Variants in RSU1 observed in about 807,000 individuals in gnomAD.
RSU1 encodes Ras suppressor protein 1, also known as rsu-1.
RSU1 carries 26 observed loss-of-function variants against 31.1 expected under a neutral mutation model. The observed-to-expected ratio is 0.84, with a 90% CI of 0.61 to 1.16. RSU1 has a LOEUF of 1.16. RSU1 is among the 50% of genes most tolerant of loss of function. The pLI is 0.00. For synonymous variants in RSU1, 164 were observed against 136.3 expected (o/e 1.20, Z -1.41); for missense variants, 320 against 339.1 (o/e 0.94, Z 0.44).
intron 8 of RSU1, among the ~76,000 whole-genome samples, chr10:16,609,907 T>G (rs1833865770): frequency 6.6e-6 from 1 of 152,224 alleles, no homozygotes; most frequent in African/African-American, 2.4e-5. Context: ...ATATTCCACA[T>G]ATCTCTGCAG....
intron 8 of RSU1, among the ~76,000 whole-genome samples, chr10:16,669,408 T>C (rs1471186612): frequency 2.6e-5 from 4 of 152,124 alleles, no homozygotes; most frequent in Non-Finnish European, 5.9e-5. Flanking sequence ...TTTTAACCAT[T>C]TTTCATTAAT....
chr10:16,787,572 C>A (rs189865447), intron 2 of RSU1, among the ~76,000 whole-genome samples: 2 of 152,178 alleles, frequency 1.3e-5, no homozygotes, highest in Admixed American at 1.3e-4. Context: ...ATGTCAAGGG[C>A]GGGGCCAGAT....
rs77412582 is a variant in RSU1, at chr10:16,736,096, T to A, written c.598+16443A>T. Reference sequence around the variant, plus strand: ...TGAGGCTACTCAAGGAGCTGGAATTTGTGGGGCAAGGAGGGCATAGCAGGA... The same window carrying A: ...TGAGGCTACTCAAGGAGCTGGAATTAGTGGGGCAAGGAGGGCATAGCAGGA... On this transcript the variant is annotated intron_variant, in intron 7 of 8. Coordinates refer to ENST00000345264, the MANE Select transcript of RSU1 (RefSeq NM_012425.4). Among the ~76,000 whole-genome samples the A allele has an allele frequency of 7.7e-3, 1,174 of 152,226 alleles. 35 individuals are homozygous for A. Among genetic ancestry groups the A allele is most frequent in the East Asian group, 0.063 (324 of 5,164 alleles).
In RSU1 at chr10:16,593,400, G is replaced by A; in HGVS notation, c.828C>T (p.Asn276=). The A allele has an allele frequency of 6.2e-7, 1 of 1,614,140 alleles. No homozygotes were observed. Among genetic ancestry groups the A allele is most frequent in the Non-Finnish European group, 8.5e-7 (1 of 1,179,988 alleles). ...KISRKPLAAK[N]R The stretch of plus-strand genomic sequence containing the variant: ...GCCGATGCCAATCCCTTCCTTATCT[G>A]TTCTTGGCTGCCAGGGGTTTCCGGC... Residue 276 remains asparagine (N), a synonymous_variant, in exon 9 of 9, where the codon AAC becomes AAT. Transcript: ENST00000345264.
At chr10:16,815,204 A>C (rs7074293) in intron 2 of RSU1, among the ~76,000 whole-genome samples, 36,353 of 152,224 alleles carry the variant, frequency 0.24, 5,112 homozygotes, top group East Asian at 0.45. Context: ...AAGGACCCTT[A>C]CGGAATGCAA....
chr10:16,606,545 A>G (rs1197569398), intron 8 of RSU1, among the ~76,000 whole-genome samples: 1 of 152,232 alleles, frequency 6.6e-6, no homozygotes, highest in Non-Finnish European at 1.5e-5. Flanking sequence ...CTACATGGGC[A>G]GATGAGGGTC....
intron 2 of RSU1, among the ~76,000 whole-genome samples, chr10:16,807,069 T>A (rs1295121011): frequency 6.6e-6 from 1 of 152,218 alleles, no homozygotes; most frequent in Non-Finnish European, 1.5e-5. Context: ...ACAGCAGGCA[T>A]GAGCCACTGC....
chr10:16,751,284 A>C (rs1288390395), intron 7 of RSU1, among the ~76,000 whole-genome samples: 1 of 152,168 alleles, frequency 6.6e-6, no homozygotes, highest in African/African-American at 2.4e-5. Context: ...CAGTAAAGAG[A>C]AGTGTTGAGT....
intron 7 of RSU1, 148 bp from the exon 8 acceptor site, chr10:16,695,303 CAA>C: frequency 1.5e-6 from 1 of 678,498 alleles, no homozygotes; most frequent in South Asian, 2.7e-5. Flanking sequence ...TTTCTTAACC[CAA>C]GTCATCACAG....
chr10:16,780,802 G>A (rs2131645180), intron 3 of RSU1, among the ~76,000 whole-genome samples: 1 of 152,262 alleles, frequency 6.6e-6, no homozygotes, highest in East Asian at 1.9e-4. Context: ...AATGGAACCG[G>A]CAATAAATTA....
At chr10:16,741,669 A>G (rs979834372) in intron 7 of RSU1, among the ~76,000 whole-genome samples, 2 of 152,194 alleles carry the variant, frequency 1.3e-5, no homozygotes, top group Admixed American at 6.5e-5. Context: ...AAATATTCCT[A>G]GGGAACATTA....
chr10:16,811,829 A>G (rs1838416107), intron 2 of RSU1, among the ~76,000 whole-genome samples: 1 of 152,164 alleles, frequency 6.6e-6, no homozygotes, highest in Admixed American at 6.5e-5. Context: ...GCCAACCTGA[A>G]TCTCTTAACT....
At chr10:16,650,487 T>A (rs1311119086) in intron 8 of RSU1, among the ~76,000 whole-genome samples, 3 of 150,854 alleles carry the variant, frequency 2.0e-5, no homozygotes, top group Admixed American at 6.6e-5. Context: ...GACTTACAAG[T>A]AGACAGGCAA....
intron 3 of RSU1, among the ~76,000 whole-genome samples, chr10:16,770,649 A>G (rs570257137): frequency 7.2e-4 from 110 of 152,358 alleles, no homozygotes; most frequent in African/African-American, 2.6e-3. Flanking sequence ...AAACAAGTGA[A>G]CTGATAGCTC....
chr10:16,732,431 T>C (rs936004231), intron 7 of RSU1, among the ~76,000 whole-genome samples: 1 of 152,130 alleles, frequency 6.6e-6, no homozygotes, highest in African/African-American at 2.4e-5. Flanking sequence ...AGTGCTCTTA[T>C]AAGAACAGAC....
chr10:16,699,717 C>T (rs77029397), intron 7 of RSU1, among the ~76,000 whole-genome samples: 1,951 of 152,314 alleles, frequency 0.013, 55 homozygotes, highest in African/African-American at 0.044. Context: ...TCTACAGACA[C>T]GCTGGCTGGC....
At chr10:16,661,294 G>C (rs1451001299) in intron 8 of RSU1, among the ~76,000 whole-genome samples, 1 of 117,598 alleles carries the variant, frequency 8.5e-6, no homozygotes, top group Admixed American at 7.7e-5. Flanking sequence ...GTGCGTGTGT[G>C]TGTGTGTGTG....
At chr10:16,637,663 T>C (rs1834367143) in intron 8 of RSU1, among the ~76,000 whole-genome samples, 1 of 152,074 alleles carries the variant, frequency 6.6e-6, no homozygotes, top group South Asian at 2.1e-4. Context: ...AACACACAGA[T>C]AATCATAGGG....
chr10:16,812,590 A>G (rs1035756554), intron 2 of RSU1, among the ~76,000 whole-genome samples: 5 of 152,230 alleles, frequency 3.3e-5, no homozygotes, highest in African/African-American at 1.2e-4. Context: ...CTTTTGAGAT[A>G]GCTCTTCCAG....
Sources: allele counts gnomAD v4.1 joint callset (sites outside exome capture counted in the v4.1 genomes callset), GRCh38; gene constraint gnomAD v4.1.1; transcripts MANE v1.5; gene names NCBI Gene and HGNC (gene_info 2026-07-23, HGNC 2026-07-21).